The following PSMC5 variants were observed in gnomAD, a reference collection of about 807,000 sequenced individuals.
PSMC5 encodes proteasome 26S subunit, ATPase 5.
A neutral mutation model predicts 49.1 loss-of-function variants in PSMC5; 11 were observed. That is an observed-to-expected ratio of 0.22 (90% CI 0.14 to 0.37). PSMC5 has a LOEUF of 0.37. Ranked by LOEUF, PSMC5 falls within the 10% of genes least tolerant of loss-of-function variation. The pLI is 1.00. For missense variants in PSMC5, 229 were observed against 520.9 expected (o/e 0.44, Z 5.45); for synonymous variants, 206 against 192.2 (o/e 1.07, Z -0.59).
At chr17:63,829,780 A>G (rs2040159765) in intron 3 of PSMC5, 72 bp from the exon 4 acceptor site, 6 of 1,469,912 alleles carry the variant, frequency 4.1e-6, no homozygotes, top group Middle Eastern at 1.7e-4. Context: ...TGCTTAGCTC[A>G]TGCACGTAGA....
At chr17:63,829,980 C>T (rs772591118) in intron 4 of PSMC5, 31 bp downstream of exon 4, 84 of 1,588,050 alleles carry the variant, frequency 5.3e-5, no homozygotes, top group African/African-American at 9.4e-5. Flanking sequence ...GGGACCAGCT[C>T]GGTCTCCACT....
rs2040188271 is a variant in PSMC5, at chr17:63,831,619, A to T, written c.1080+3A>T. 2 of 1,613,880 alleles carry T rather than the reference A, an allele frequency of 1.2e-6. No individual in the cohort carries two copies. Among genetic ancestry groups the T allele is most frequent in the African/African-American group, 2.7e-5 (2 of 74,906 alleles). On this transcript the variant is annotated splice_donor_region_variant and intron_variant, in intron 10 of 11. Coordinates refer to ENST00000310144, the MANE Select transcript of PSMC5 (RefSeq NM_002805.6). The surrounding 1 kb of genome is among the most constrained non-coding windows in gnomAD (Gnocchi z 6.3). ...GAGCATCAGGGGCTGAAGTGAAGGTAATTGGAGTACCCACTGAAAACAGGG... is the reference window on the plus strand; with the variant it reads ...GAGCATCAGGGGCTGAAGTGAAGGTTATTGGAGTACCCACTGAAAACAGGG...
intron 4 of PSMC5, 21 bp downstream of exon 4, chr17:63,829,970 G>T (rs1346831094): frequency 6.3e-7 from 1 of 1,598,238 alleles, no homozygotes; most frequent in Non-Finnish European, 8.5e-7. Flanking sequence ...CATGACCCCA[G>T]GGACCAGCTC....
chr17:63,829,882 T>G lies in PSMC5; in HGVS notation c.197T>G (p.Leu66Arg). ...CTATTGCGGGAGGAGCTACAGCTGC[T>G]GCAGGAGCAGGGCTCCTATGTGGGG... Reference protein sequence around the residue: ...VRLLREELQLLQEQGSYVGEV... With the variant: ...VRLLREELQLRQEQGSYVGEV... Residue 66 changes from leucine to arginine, a missense_variant, in exon 4 of 12, where the codon CTG becomes CGG. Leu to Arg is a moderately radical substitution (Grantham distance 102, BLOSUM62 -2). Transcript: ENST00000310144. 6.2e-7 allele frequency: 1 copy of G among 1,614,170 alleles called. No homozygotes were observed. The highest frequency in any genetic ancestry group is 8.5e-7 in the Non-Finnish European group (1 of 1,179,998).
intron 2 of PSMC5, chr17:63,828,849 T>C (rs1354144129): frequency 1.3e-5 from 2 of 154,008 alleles, no homozygotes; most frequent in Non-Finnish European, 2.9e-5. Context: ...GTAGTTTAAC[T>C]TTGGACAGGT....
In PSMC5 at chr17:63,829,946, C is replaced by A; in HGVS notation, c.261C>A (p.Val87=). ...CCATGGATAAGAAGAAAGTGTTGGT[C>A]AAGGTAAAAGCAGCATGACCCCAGG... ...VRAMDKKKVL[V]KVHPEGKFVV... is the part of the protein sequence containing the mutation. The change falls in exon 4 of 12, where the codon GTC becomes GTA. Residue 87 remains valine, a synonymous_variant. Coordinates refer to ENST00000310144, the MANE Select transcript of PSMC5 (RefSeq NM_002805.6). 2.5e-6 allele frequency: 4 copies of A among 1,608,752 alleles called. No homozygotes were observed. In the South Asian group the frequency reaches 4.4e-5, roughly 18 times the overall value.
rs1356522747 is a variant in PSMC5, at chr17:63,830,974, G to A, written c.679+39G>A. 6.2e-7 allele frequency: 1 copy of A among 1,613,436 alleles called. No individual in the cohort carries two copies. The highest frequency in any genetic ancestry group is 8.5e-7 in the Non-Finnish European group (1 of 1,179,574). On this transcript the variant is annotated intron_variant, in intron 7 of 11. Transcript: ENST00000310144. The surrounding 1 kb of genome is among the most constrained non-coding windows in gnomAD (Gnocchi z 4.0). ...GCAATGTGAGAAGCAAGAGGTAGGG[G>A]TAGGGGGTTAGAGAGCTAATAAGCT... is the stretch of plus-strand genomic sequence containing the variant.
In PSMC5 at chr17:63,830,295, C is replaced by G; in HGVS notation, c.346C>G (p.Leu116Val). 6.2e-7 allele frequency: 1 copy of G among 1,614,130 alleles called. No individual in the cohort carries two copies. Among genetic ancestry groups the G allele is most frequent in the Non-Finnish European group, 8.5e-7 (1 of 1,180,028 alleles). ...GGTGACACCCAATTGCCGGGTGGCT[C>G]TAAGGAATGACAGCTACACTCTGCA... ...NDVTPNCRVA[L>V]RNDSYTLHKI... Residue 116 changes from leucine to valine, a missense_variant, in exon 6 of 12, where the codon CTA (leucine) becomes GTA (valine). Transcript: ENST00000310144. This position sits in a 1 kb window ranked among gnomAD's most constrained non-coding sequence, Gnocchi z 4.0.
intron 1 of PSMC5, chr17:63,827,909 T>A: frequency 7.1e-7 from 1 of 1,402,070 alleles, no homozygotes; most frequent in Non-Finnish European, 9.4e-7. Flanking sequence ...TCGGTCCTCC[T>A]AAAAGTCGTA....
At chr17:63,828,665 A>G (rs936551495) in intron 2 of PSMC5, 2 of 161,406 alleles carry the variant, frequency 1.2e-5, no homozygotes, top group African/African-American at 4.8e-5. Context: ...GGCAACCCAG[A>G]GCCCTAGCCT....
chr17:63,827,561 G>GGAGC, intron 1 of PSMC5, 47 bp downstream of exon 1: 1 of 1,551,478 alleles, frequency 6.4e-7, no homozygotes, highest in Non-Finnish European at 8.7e-7. Context: ...GGCTGGGTGC[G>GGAGC]GAGCGAGCGT....
chr17:63,829,739 T>C, intron 3 of PSMC5, 113 bp from the exon 4 acceptor site: 1 of 1,311,754 alleles, frequency 7.6e-7, no homozygotes. Context: ...TACATGAATT[T>C]TGACCTTTGG....
chr17:63,829,771 G>A, intron 3 of PSMC5, 81 bp from the exon 4 acceptor site: 1 of 1,440,646 alleles, frequency 6.9e-7, no homozygotes. Context: ...TAAGAGTGAT[G>A]CTTAGCTCAT....
Position 63,830,695 on chromosome 17 carries a change from C to CTTTTT in PSMC5, c.553-106_553-102dup, listed in dbSNP as rs55833669. On this transcript the variant is annotated intron_variant, in intron 6 of 11. Coordinates refer to ENST00000310144, the MANE Select transcript of PSMC5 (RefSeq NM_002805.6). This position sits in a 1 kb window ranked among gnomAD's most constrained non-coding sequence, Gnocchi z 4.0. Reference sequence around the variant, plus strand: ...TTGGATAGAAGGGACCTTGATGTTCCTTTTTTTTTTTTGTATCCCTAACAT... The same window carrying CTTTTT: ...TTGGATAGAAGGGACCTTGATGTTCCTTTTTTTTTTTTTTTTTGTATCCCTAACAT... The CTTTTT allele has an allele frequency of 2.8e-4, 344 of 1,243,460 alleles. No homozygotes were observed. In the African/African-American group the frequency reaches 4.6e-3, roughly 17 times the overall value. The allele number at this position is 1,243,460 out of a possible 1,614,324, so 77.0% of individuals were successfully genotyped here. A position where few individuals can be genotyped will look rare whatever the true frequency, so the allele number is the denominator to read the frequency against.
rs756973882 is a variant in PSMC5, at chr17:63,831,897, T to G, written c.1168-19T>G. On this transcript the variant is annotated intron_variant, in intron 11 of 11. Transcript: ENST00000310144. This position sits in a 1 kb window ranked among gnomAD's most constrained non-coding sequence, Gnocchi z 6.3. ...GTGTGTGTTCGTAACTTAATGTTCA[T>G]TCTCTCTCCCACCCCTAGGTCATGC... 1.9e-6 allele frequency: 3 copies of G among 1,613,712 alleles called. No homozygotes were observed. The South Asian group carries it at 3.3e-5, about 18-fold the overall frequency.
Position 63,829,578 on chromosome 17 carries a change from A to C in PSMC5, c.166+15A>C. On this transcript the variant is annotated intron_variant, in intron 3 of 11. Transcript: ENST00000310144. The stretch of plus-strand genomic sequence containing the variant: ...AAATGCTAAAGGTGAGTGGAGAAAG[A>C]TGGGAAGCCGCATGTGGGCAGTTTG... The C allele has an allele frequency of 6.4e-7, 1 of 1,552,678 alleles. No homozygotes were observed. The highest frequency in any genetic ancestry group is 1.2e-5 in the South Asian group (1 of 84,126).
Position 63,829,864 on chromosome 17 carries a change from G to A in PSMC5, c.179G>A (p.Arg60Gln). The A allele has an allele frequency of 2.5e-6, 4 of 1,614,126 alleles. No homozygotes were observed. Among genetic ancestry groups the A allele is most frequent in the East Asian group, 2.2e-5 (1 of 44,886 alleles). Residue 60 changes from arginine to glutamine, a missense_variant, in exon 4 of 12, where the codon CGG becomes CAG. This residue lies in a region of PSMC5 where 98 missense variants were observed against 144.0 expected (regional missense o/e 0.68). Transcript: ENST00000310144. ...GTTTGCCATCTAGTTCGCCTATTGCGGGAGGAGCTACAGCTGCTGCAGGAG... is the reference window on the plus strand; with the variant it reads ...GTTTGCCATCTAGTTCGCCTATTGCAGGAGGAGCTACAGCTGCTGCAGGAG... ...NELNAKVRLL[R>Q]EELQLLQEQG... is the part of the protein sequence containing the mutation.
At chr17:63,829,778 T>A in intron 3 of PSMC5, 74 bp from the exon 4 acceptor site, 1 of 1,460,196 alleles carries the variant, frequency 6.8e-7, no homozygotes, top group East Asian at 2.3e-5. Context: ...GATGCTTAGC[T>A]CATGCACGTA....
rs2040156422 is a variant in PSMC5, at chr17:63,829,565, T to C, written c.166+2T>C. On this transcript the variant is annotated splice_donor_variant, in intron 3 of 11. Transcript: ENST00000310144. LOFTEE classifies it high-confidence loss of function. ...AGAGGAACGAACTAAATGCTAAAGG[T>C]GAGTGGAGAAAGATGGGAAGCCGCA... The C allele has an allele frequency of 6.4e-7, 1 of 1,553,352 alleles. No homozygotes were observed. The highest frequency in any genetic ancestry group is 8.7e-7 in the Non-Finnish European group (1 of 1,147,852).
Sources: gnomAD v4.1 joint callset for allele counts on GRCh38, gnomAD v4.1.1 for gene constraint, gnomAD v4.1.1 regional missense constraint, Gnocchi (gnomAD v3.1) non-coding constraint, MANE v1.5 for transcripts, NCBI Gene and HGNC (gene_info 2026-07-23, HGNC 2026-07-21) for gene names.